The following MAB21L3 variants were observed in gnomAD, a reference collection of about 807,000 sequenced individuals.
MAB21L3 encodes the protein protein mab-21-like 3.
Under a neutral mutation model 37.7 loss-of-function variants are expected in MAB21L3, and 36 were observed. The ratio of observed to expected loss-of-function variants is 0.96; its 90% CI spans 0.73 to 1.26. The LOEUF (loss-of-function observed/expected upper bound fraction) is 1.26, where lower values mean the gene tolerates loss of function less well. Among genes scored for constraint, MAB21L3 ranks in the 50% most tolerant of loss-of-function variants. The probability of loss-of-function intolerance (pLI) is 0.00; values close to 1 mark genes in which losing one functional copy is unlikely to be tolerated. For missense variants in MAB21L3, 430 were observed against 447.3 expected, an observed-to-expected ratio of 0.96 and a Z score of 0.35; for synonymous variants, 186 against 176.8, an observed-to-expected ratio of 1.05 and a Z score of -0.41.
Position 116,112,677 on chromosome 1 carries a change from CG to C in MAB21L3, c.48+16del. The C allele has an allele frequency of 6.2e-7, 1 of 1,613,458 alleles. No individual in the cohort carries two copies. Among genetic ancestry groups the C allele is most frequent in the Middle Eastern group, 1.6e-4 (1 of 6,062 alleles). On this transcript the variant is annotated intron_variant, in intron 3 of 7. Coordinates refer to ENST00000369500, the MANE Select transcript of MAB21L3 (RefSeq NM_152367.3). ...CTACTGAATAAGGTAAGGACAGACC[CG>C]GTCTCTCCCATGAACCCCCTCCCCA...
At chr1:116,128,093 C>CA in intron 6 of MAB21L3, 52 bp from the exon 7 acceptor site, 1 of 1,548,714 alleles carries the variant, frequency 6.5e-7, no homozygotes. Flanking sequence ...TGGCTTTCTA[C>CA]ACCAGTGAGC....
chr1:116,115,319 AT>A (rs1389300913), intron 3 of MAB21L3, among the ~76,000 whole-genome samples: 3 of 152,208 alleles, frequency 2.0e-5, no homozygotes, highest in Non-Finnish European at 4.4e-5. Context: ...TCATGGAAGA[AT>A]TAGTCTACAA....
rs907993197 is a variant in MAB21L3, at chr1:116,135,077, C to A, written c.*1712C>A. The A allele has an allele frequency of 4.0e-5, 6 of 151,784 alleles. No homozygotes were observed. The highest frequency in any genetic ancestry group is 4.8e-5 in the African/African-American group (2 of 41,282). The allele number at this position is 151,784 out of a possible 1,614,324, so 9.4% of individuals were successfully genotyped here. ...ATCACAATTAAAAGAACTAGAAAAG[C>A]AAGAGCAAACACATTCAAAAGCTAG... On this transcript the variant is annotated 3_prime_UTR_variant, in exon 8 of 8. Transcript: ENST00000369500.
At chr1:116,117,697 T>C (rs887495127) in intron 3 of MAB21L3, among the ~76,000 whole-genome samples, 2 of 152,148 alleles carry the variant, frequency 1.3e-5, no homozygotes, top group African/African-American at 4.8e-5. Context: ...TCTCATTCCT[T>C]ATAGCAGCTA....
intron 3 of MAB21L3, among the ~76,000 whole-genome samples, chr1:116,120,136 T>C (rs1222669336): frequency 1.3e-5 from 2 of 152,096 alleles, no homozygotes; most frequent in Admixed American, 6.5e-5. Flanking sequence ...CCTGCTTTCC[T>C]TTCCAAACTC....
intron 7 of MAB21L3, among the ~76,000 whole-genome samples, chr1:116,131,308 T>C (rs1570814314): frequency 6.6e-6 from 1 of 152,280 alleles, no homozygotes; most frequent in Non-Finnish European, 1.5e-5. Context: ...GTGTGCCCTA[T>C]GCAGCCGAAG....
At chr1:116,130,568 C>G (rs571419800) in intron 7 of MAB21L3, among the ~76,000 whole-genome samples, 83 of 152,320 alleles carry the variant, frequency 5.4e-4, no homozygotes, top group African/African-American at 1.9e-3. Flanking sequence ...GTGCTGGATC[C>G]TTGCCAAATC....
intron 5 of MAB21L3, among the ~76,000 whole-genome samples, chr1:116,126,354 T>C (rs1316551818): frequency 2.0e-5 from 3 of 152,184 alleles, no homozygotes; most frequent in Non-Finnish European, 1.5e-5. Context: ...ATGCGTTAGT[T>C]TTCTCTTCTT....
intron 7 of MAB21L3, among the ~76,000 whole-genome samples, chr1:116,132,529 C>T (rs1570815170): frequency 1.3e-5 from 2 of 152,084 alleles, no homozygotes; most frequent in East Asian, 1.9e-4. Flanking sequence ...AGAGAAGAAT[C>T]CATATTGGAG....
intron 7 of MAB21L3, among the ~76,000 whole-genome samples, chr1:116,130,522 G>A (rs1033025945): frequency 6.6e-6 from 1 of 152,230 alleles, no homozygotes; most frequent in South Asian, 2.1e-4. Context: ...GGTGATAAAT[G>A]TGGTGCTAGA....
intron 3 of MAB21L3, among the ~76,000 whole-genome samples, chr1:116,118,804 G>C (rs1027014535): frequency 2.0e-5 from 3 of 152,046 alleles, no homozygotes; most frequent in African/African-American, 4.8e-5. Context: ...CCTAGCTAAC[G>C]CCTAGTAAGC....
intron 3 of MAB21L3, among the ~76,000 whole-genome samples, chr1:116,120,428 C>CACACACACAG (rs113760206): frequency 8.4e-4 from 126 of 149,698 alleles, no homozygotes; most frequent in African/African-American, 2.9e-3. Context: ...CACACACACA[C>CACACACACAG]ACAAACACAC....
At chr1:116,127,421 G>T in intron 5 of MAB21L3, 45 bp from the exon 6 acceptor site, 1 of 1,584,394 alleles carries the variant, frequency 6.3e-7, no homozygotes, top group Non-Finnish European at 8.6e-7. Flanking sequence ...CTTGTAATGT[G>T]CAAACCTTTC....
At chr1:116,120,851 C>T in intron 3 of MAB21L3, 81 bp from the exon 4 acceptor site, 1 of 1,554,412 alleles carries the variant, frequency 6.4e-7, no homozygotes, top group Admixed American at 1.8e-5. Flanking sequence ...TTGCTGTACC[C>T]TTGTCTCCTC....
chr1:116,126,870 C>A (rs75803327), intron 5 of MAB21L3, among the ~76,000 whole-genome samples: 3,560 of 152,200 alleles, frequency 0.023, 136 homozygotes, highest in African/African-American at 0.082. Context: ...ACTTCGAGTA[C>A]CCATACAACC....
chr1:116,130,623 T>A (rs920301774), intron 7 of MAB21L3, among the ~76,000 whole-genome samples: 1 of 152,184 alleles, frequency 6.6e-6, no homozygotes, highest in Non-Finnish European at 1.5e-5. Context: ...AAAACAGCAT[T>A]AGGAAGCTGT....
intron 3 of MAB21L3, among the ~76,000 whole-genome samples, chr1:116,116,186 C>G (rs560590356): frequency 2.0e-5 from 3 of 152,264 alleles, no homozygotes; most frequent in African/African-American, 4.8e-5. Flanking sequence ...GAGAAACAGT[C>G]TGGGGGTTCT....
At chr1:116,123,082 T>C (rs1000426282) in intron 4 of MAB21L3, among the ~76,000 whole-genome samples, 3 of 152,192 alleles carry the variant, frequency 2.0e-5, no homozygotes, top group South Asian at 2.1e-4. Flanking sequence ...CCAAATTCCA[T>C]GGTCAGAGCT....
At chr1:116,112,348 T>C in intron 2 of MAB21L3, 59 bp from the exon 3 acceptor site, 2 of 353,972 alleles carry the variant, frequency 5.7e-6, no homozygotes, top group Non-Finnish European at 5.3e-6. Context: ...TAGGTTGGAC[T>C]CAAATTCAAT....
Sources: allele counts gnomAD v4.1 joint callset (sites outside exome capture counted in the v4.1 genomes callset), GRCh38; gene constraint gnomAD v4.1.1; transcripts MANE v1.5; gene names NCBI Gene and HGNC (gene_info 2026-07-23, HGNC 2026-07-21).